ARFGEF3: variants seen among roughly 807,000 people sequenced by gnomAD.
The protein encoded by ARFGEF3 is brefeldin A-inhibited guanine nucleotide-exchange protein 3.
Under a neutral mutation model 221.7 loss-of-function variants are expected in ARFGEF3, and 96 were observed. That is an observed-to-expected ratio of 0.43 (90% CI 0.37 to 0.51). ARFGEF3 has a LOEUF of 0.51. Among genes scored for constraint, ARFGEF3 ranks in the 20% least tolerant of loss-of-function variants. The pLI is 0.00. For synonymous variants in ARFGEF3, 1,145 were observed against 1,126.8 expected, an observed-to-expected ratio of 1.02 and a Z score of -0.32; for missense variants, 2,410 against 2,789.9, an observed-to-expected ratio of 0.86 and a Z score of 3.07.
intron 2 of ARFGEF3, among the ~76,000 whole-genome samples, chr6:138,178,023 T>C (rs185233055): frequency 1.9e-4 from 29 of 152,316 alleles, no homozygotes. Context: ...GGGTGTCACA[T>C]TACCTTACTT....
intron 20 of ARFGEF3, among the ~76,000 whole-genome samples, chr6:138,296,364 T>G (rs1233626942): frequency 6.6e-6 from 1 of 152,168 alleles, no homozygotes; most frequent in Non-Finnish European, 1.5e-5. Context: ...GCTGAGCACT[T>G]TATGCGTATT....
Position 138,335,147 on chromosome 6 carries a change from T to C in ARFGEF3, c.6301T>C (p.Ser2101Pro). 6.3e-7 allele frequency: 1 copy of C among 1,577,014 alleles called. No homozygotes were observed. The change falls in exon 33 of 34, where the codon TCC becomes CCC. Residue 2101 changes from serine (S) to proline (P), a missense_variant. Physicochemically the swap from Ser to Pro is moderately conservative, Grantham distance 74 (BLOSUM62 -1). Transcript: ENST00000251691. ...GCCCCGCTCAGGCTCCACCGGGAGC[T>C]CCCTCAGTGTCTCGGTGAGAGACGC... ...KRPRSGSTGS[S>P]LSVSVRDAEA...
intron 1 of ARFGEF3, among the ~76,000 whole-genome samples, chr6:138,164,123 C>T (rs1262830898): frequency 5.9e-5 from 9 of 152,198 alleles, no homozygotes; most frequent in Non-Finnish European, 7.3e-5. Context: ...GAGACATGAA[C>T]AAAGGCCTAT....
chr6:138,328,380 G>A (rs916240601), intron 32 of ARFGEF3, among the ~76,000 whole-genome samples: 2 of 152,166 alleles, frequency 1.3e-5, no homozygotes, highest in Non-Finnish European at 2.9e-5. Flanking sequence ...TCAAACAGCA[G>A]AACCATATAT....
intron 32 of ARFGEF3, among the ~76,000 whole-genome samples, chr6:138,333,737 C>T (rs77606474): frequency 0.039 from 5,961 of 152,214 alleles, 157 homozygotes; most frequent in East Asian, 0.11. Flanking sequence ...CCACCGCGCT[C>T]GGCCCAGCTT....
chr6:138,246,487 T>C (rs1778489159), intron 8 of ARFGEF3, among the ~76,000 whole-genome samples: 1 of 152,238 alleles, frequency 6.6e-6, no homozygotes, highest in South Asian at 2.1e-4. Flanking sequence ...CATTTTGTTA[T>C]TTGTTTTGCT....
chr6:138,217,829 G>T (rs925883309), intron 4 of ARFGEF3: 3 of 1,031,668 alleles, frequency 2.9e-6, no homozygotes, highest in Non-Finnish European at 4.0e-6. Flanking sequence ...TTGTATTTTA[G>T]AATTGAAATA....
At chr6:138,290,932 G>A (rs76133339) in intron 18 of ARFGEF3, among the ~76,000 whole-genome samples, 13,134 of 152,112 alleles carry the variant, frequency 0.086, 826 homozygotes, top group South Asian at 0.2. Context: ...AACAAGAAAA[G>A]AAAAGAAAAA....
chr6:138,266,059 T>A (rs1778886711), intron 12 of ARFGEF3, among the ~76,000 whole-genome samples: 1 of 151,848 alleles, frequency 6.6e-6, no homozygotes, highest in African/African-American at 2.4e-5. Context: ...CTACAAAAAA[T>A]ACAAAAATTA....
At chr6:138,214,310 A>T (rs1777792904) in intron 4 of ARFGEF3, among the ~76,000 whole-genome samples, 1 of 152,276 alleles carries the variant, frequency 6.6e-6, no homozygotes, top group South Asian at 2.1e-4. Flanking sequence ...TGGCACTTCT[A>T]CATGACTCAT....
At chr6:138,246,438 A>T (rs1778488504) in intron 8 of ARFGEF3, among the ~76,000 whole-genome samples, 1 of 152,242 alleles carries the variant, frequency 6.6e-6, no homozygotes, top group East Asian at 1.9e-4. Flanking sequence ...TGTAGGCAAG[A>T]ATGAGGACTC....
intron 2 of ARFGEF3, among the ~76,000 whole-genome samples, chr6:138,184,092 T>C (rs905427089): frequency 1.3e-5 from 2 of 152,204 alleles, no homozygotes; most frequent in Non-Finnish European, 2.9e-5. Flanking sequence ...TTTTAAAAAT[T>C]ATCCCACATA....
intron 4 of ARFGEF3, among the ~76,000 whole-genome samples, chr6:138,215,656 G>T (rs1208359989): frequency 1.3e-5 from 2 of 152,080 alleles, no homozygotes; most frequent in Non-Finnish European, 2.9e-5. Context: ...TTCTTCTTGT[G>T]TAGATGATGG....
chr6:138,281,519 T>C (rs902719087), intron 14 of ARFGEF3, among the ~76,000 whole-genome samples: 1 of 152,216 alleles, frequency 6.6e-6, no homozygotes, highest in Non-Finnish European at 1.5e-5. Flanking sequence ...TGGACGTCCA[T>C]GAGTACCCAG....
intron 29 of ARFGEF3, among the ~76,000 whole-genome samples, chr6:138,321,888 A>G (rs1780033821): frequency 6.6e-6 from 1 of 150,460 alleles, no homozygotes; most frequent in South Asian, 2.1e-4. Context: ...AAAGAGCTTT[A>G]ATGGACTTAC....
chr6:138,297,921 A>G (rs369016201), intron 21 of ARFGEF3, among the ~76,000 whole-genome samples: 1 of 152,198 alleles, frequency 6.6e-6, no homozygotes, highest in African/African-American at 2.4e-5. Context: ...GGAAGGCTAG[A>G]CAAATAGGTC....
intron 32 of ARFGEF3, among the ~76,000 whole-genome samples, chr6:138,333,733 C>T (rs924332777): frequency 7.2e-5 from 11 of 152,172 alleles, no homozygotes; most frequent in Admixed American, 5.2e-4. Context: ...TGAGCCACCG[C>T]GCTCGGCCCA....
chr6:138,303,887 A>T (rs1041043139), intron 22 of ARFGEF3, among the ~76,000 whole-genome samples: 1 of 150,176 alleles, frequency 6.7e-6, no homozygotes, highest in African/African-American at 2.5e-5. Context: ...AAAAAAAAAA[A>T]AGATAATAGC....
At chr6:138,169,058 G>A (rs1465009715) in intron 1 of ARFGEF3, among the ~76,000 whole-genome samples, 1 of 152,194 alleles carries the variant, frequency 6.6e-6, no homozygotes, top group East Asian at 1.9e-4. Flanking sequence ...AGCATCCCGG[G>A]AGGAAGGTGT....
Sources: allele counts gnomAD v4.1 joint callset (sites outside exome capture counted in the v4.1 genomes callset), GRCh38; gene constraint gnomAD v4.1.1; transcripts MANE v1.5; gene names NCBI Gene and HGNC (gene_info 2026-07-23, HGNC 2026-07-21).